WDHD1: variants seen among roughly 807,000 people sequenced by gnomAD.
WDHD1 encodes WD repeat and HMG-box DNA binding protein 1, also known as WD repeat and HMG-box DNA-binding protein 1.
WDHD1 carries 111 observed loss-of-function variants against 135.4 expected under a neutral mutation model. That is an observed-to-expected ratio of 0.82 (90% CI 0.70 to 0.96). The LOEUF (loss-of-function observed/expected upper bound fraction) is 0.96. WDHD1 is among the 40% of genes least tolerant of loss of function. The pLI is 0.00. For missense variants in WDHD1, 1,351 were observed against 1,336.3 expected, an observed-to-expected ratio of 1.01 and a Z score of -0.17; for synonymous variants, 434 against 439.0, an observed-to-expected ratio of 0.99 and a Z score of 0.14.
At chr14:54,959,685 C>A (rs1406205771) in intron 21 of WDHD1, among the ~76,000 whole-genome samples, 2 of 152,006 alleles carry the variant, frequency 1.3e-5, no homozygotes, top group African/African-American at 4.8e-5. Flanking sequence ...GGAGGATCAC[C>A]TGAGCATACG....
intron 16 of WDHD1, among the ~76,000 whole-genome samples, chr14:54,968,760 T>C (rs2041384438): frequency 6.6e-6 from 1 of 151,768 alleles, no homozygotes; most frequent in African/African-American, 2.4e-5. Context: ...ACCAGAAAAT[T>C]TAGAGGAAAT....
At chr14:55,022,188 A>C (rs1417536237) in intron 2 of WDHD1, among the ~76,000 whole-genome samples, 2 of 152,228 alleles carry the variant, frequency 1.3e-5, no homozygotes, top group African/African-American at 4.8e-5. Flanking sequence ...TTCTGACTTC[A>C]GGCACAAAGC....
In WDHD1 at chr14:54,974,752, G is replaced by A. The variant is rs146056988; in HGVS notation, c.2063+6788C>T. Among the ~76,000 whole-genome samples, 46 of 152,182 alleles carry A rather than the reference G, an allele frequency of 3.0e-4. 1 individual carries two copies. The highest frequency in any genetic ancestry group is 2.1e-3 in the South Asian group (10 of 4,816). On this transcript the variant is annotated intron_variant, in intron 16 of 25. Transcript: ENST00000360586. ...TGAGGCATAAGAATCACTTGAACCC[G>A]GAAGGAGGAGGTTGCAGTGAGATGA...
At chr14:54,965,506 T>C (rs2041326051) in intron 18 of WDHD1, among the ~76,000 whole-genome samples, 1 of 152,124 alleles carries the variant, frequency 6.6e-6, no homozygotes, top group Non-Finnish European at 1.5e-5. Context: ...AAAAACAGTA[T>C]ATACTCAAAC....
intron 24 of WDHD1, among the ~76,000 whole-genome samples, chr14:54,951,191 A>G (rs1264498367): frequency 6.6e-6 from 1 of 152,048 alleles, no homozygotes; most frequent in East Asian, 1.9e-4. Context: ...AGCCTTCAAA[A>G]AATCAATGAA....
chr14:55,003,504 G>A (rs2042010078), intron 7 of WDHD1, among the ~76,000 whole-genome samples: 2 of 151,206 alleles, frequency 1.3e-5, no homozygotes, highest in African/African-American at 4.9e-5. Flanking sequence ...AACAGAGTGA[G>A]ACCATGTCTC....
rs370012580 is a variant in WDHD1, at chr14:54,963,007, T to A, written c.2476A>T (p.Thr826Ser). 8 of 1,613,840 alleles carry A rather than the reference T, an allele frequency of 5.0e-6. No individual in the cohort carries two copies. In the African/African-American group the frequency reaches 1.1e-4, roughly 22 times the overall value. ...TCTTCTTCTTCCTCTTCCACCTGGGTTGCTGTCAATTCGGCTGCCTTCTCT... is the reference window on the plus strand; with the variant it reads ...TCTTCTTCTTCCTCTTCCACCTGGGATGCTGTCAATTCGGCTGCCTTCTCT... The part of the protein sequence containing the change: ...AVEKAAELTA[T>S]QVEEEEEEED... The change falls in exon 19 of 26, where the codon ACC becomes TCC. Residue 826 changes from threonine (T) to serine (S), a missense_variant. Around this residue, in one of 2 missense-constraint regions of WDHD1, gnomAD observed 1,330 missense variants for 1,296.1 expected, o/e 1.03. Transcript: ENST00000360586.
intron 7 of WDHD1, among the ~76,000 whole-genome samples, chr14:55,003,774 G>C (rs1223714383): frequency 6.6e-6 from 1 of 151,886 alleles, no homozygotes; most frequent in Non-Finnish European, 1.5e-5. Flanking sequence ...ATGTTGGCCA[G>C]GCTGGTCTCG....
At chr14:54,980,540 G>A (rs866536705) in intron 16 of WDHD1, among the ~76,000 whole-genome samples, 5 of 151,524 alleles carry the variant, frequency 3.3e-5, no homozygotes, top group East Asian at 2.0e-4. Flanking sequence ...GACCAGGTAC[G>A]GTGGCTCATG....
chr14:54,998,355 C>T (rs746303000), intron 10 of WDHD1, among the ~76,000 whole-genome samples: 1 of 152,078 alleles, frequency 6.6e-6, no homozygotes, highest in Non-Finnish European at 1.5e-5. Context: ...GTCTTGAACT[C>T]CTGACCTCAG....
chr14:54,983,401 G>A (rs973010307), intron 15 of WDHD1, among the ~76,000 whole-genome samples: 5 of 151,476 alleles, frequency 3.3e-5, no homozygotes, highest in East Asian at 4.0e-4. Flanking sequence ...GGCTGGGGGC[G>A]GTGGCTCACG....
chr14:54,998,257 G>A (rs1041903132), intron 10 of WDHD1, among the ~76,000 whole-genome samples: 3 of 151,918 alleles, frequency 2.0e-5, no homozygotes, highest in Admixed American at 6.6e-5. Flanking sequence ...TTATGATGAA[G>A]GCGATAAAAT....
At chr14:55,015,381 A>AG (rs2042243222) in intron 2 of WDHD1, among the ~76,000 whole-genome samples, 1 of 79,714 alleles carries the variant, frequency 1.3e-5, no homozygotes, top group Non-Finnish European at 2.5e-5. Flanking sequence ...CACTGTCTCA[A>AG]AAAAAAAAAA....
chr14:54,977,671 C>CTAAA (rs946455949), intron 16 of WDHD1, among the ~76,000 whole-genome samples: 1 of 151,994 alleles, frequency 6.6e-6, no homozygotes, highest in African/African-American at 2.4e-5. Context: ...GACCCTGTTT[C>CTAAA]TAAATAAATA....
rs1566733232 is a variant in WDHD1 at position 54,995,739 on chromosome 14, T to C, written c.1017A>G (p.Leu339=). ...AAGGGATCTCAACTGCATTGTCATT[T>C]AGAAAATCACCAGCATTACTCATAT... ...GDDMSNAGDF[L]NDNAVEIPSF... Residue 339 remains leucine, a synonymous_variant, in exon 11 of 26, where the codon CTA becomes CTG. Transcript: ENST00000360586. 1.2e-6 allele frequency: 2 copies of C among 1,613,570 alleles called. No homozygotes were observed. The highest frequency in any genetic ancestry group is 1.1e-5 in the South Asian group (1 of 90,976).
intron 16 of WDHD1, among the ~76,000 whole-genome samples, chr14:54,967,974 A>AT (rs2041372951): frequency 6.6e-6 from 1 of 152,172 alleles, no homozygotes; most frequent in African/African-American, 2.4e-5. Context: ...AGCTCTCTTC[A>AT]TATTTTCCTT....
At chr14:55,005,122 G>A (rs1436513221) in intron 7 of WDHD1, 3 of 533,994 alleles carry the variant, frequency 5.6e-6, no homozygotes, top group East Asian at 9.7e-5. Context: ...ACCTCCCACA[G>A]GAAATGGTGC....
chr14:54,958,628 G>C (rs971021380), intron 21 of WDHD1, among the ~76,000 whole-genome samples: 23 of 152,142 alleles, frequency 1.5e-4, no homozygotes, highest in Admixed American at 1.5e-3. Flanking sequence ...ATCCCACATA[G>C]CTGACTGTTC....
chr14:55,021,713 A>G lies in WDHD1; in HGVS notation c.77+4998T>C, dbSNP rs117607892. 2.5e-3 allele frequency among the ~76,000 whole-genome samples: 385 copies of G among 152,232 alleles called. 13 individuals carry two copies. The South Asian group carries it at 0.043, about 17-fold the overall frequency. ...GTCTGCTACCTCTTGAATGTCTCCA[A>G]GGTCTATATCTTGAAATTACTTCGC... is the stretch of plus-strand genomic sequence containing the variant. On this transcript the variant is annotated intron_variant, in intron 2 of 25. Coordinates refer to ENST00000360586, the MANE Select transcript of WDHD1 (RefSeq NM_007086.4).
Sources: gnomAD v4.1 joint callset for allele counts (sites outside exome capture counted in the v4.1 genomes callset) on GRCh38, gnomAD v4.1.1 for gene constraint, gnomAD v4.1.1 regional missense constraint, MANE v1.5 for transcripts, NCBI Gene and HGNC (gene_info 2026-07-23, HGNC 2026-07-21) for gene names.